The following RERE variants were observed in gnomAD, a reference collection of about 807,000 sequenced individuals.
RERE encodes arginine-glutamic acid dipeptide repeats protein.
A neutral mutation model predicts 146.1 loss-of-function variants in RERE; 40 were observed. The ratio of observed to expected loss-of-function variants is 0.27; its 90% CI spans 0.21 to 0.36. The LOEUF is 0.36. Ranked by LOEUF, RERE falls within the 10% of genes least tolerant of loss-of-function variation. RERE has a pLI of 1.00. For synonymous variants in RERE, 1,003 were observed against 866.0 expected (o/e 1.16, Z -2.78); for missense variants, 1,933 against 2,138.7 (o/e 0.90, Z 1.90).
chr1:8,373,150 GAAGT>G (rs773934600), intron 12 of RERE, among the ~76,000 whole-genome samples: 6 of 152,344 alleles, frequency 3.9e-5, no homozygotes, highest in African/African-American at 9.6e-5. Flanking sequence ...CAGAGTCTTA[GAAGT>G]AAGCATTTAG....
Position 8,356,850 on chromosome 1 carries a change from G to A in RERE, c.4340-604C>T, listed in dbSNP as rs1379813216. The stretch of plus-strand genomic sequence containing the variant: ...TATCTCCCAGCTCCAGCCAACACAG[G>A]CGCTGGCAGGGATTTCAGGGTTGCC... On this transcript the variant is annotated intron_variant, in intron 20 of 22. Coordinates refer to ENST00000400908, the MANE Select transcript of RERE (RefSeq NM_001042681.2). The surrounding 1 kb of genome is among the most constrained non-coding windows in gnomAD (Gnocchi z 5.2). Among the ~76,000 whole-genome samples, 4 of 152,096 alleles carry A rather than the reference G, an allele frequency of 2.6e-5. No homozygotes were observed.
intron 1 of RERE, among the ~76,000 whole-genome samples, chr1:8,755,045 C>T (rs557900835): frequency 5.6e-4 from 85 of 152,348 alleles, no homozygotes; most frequent in African/African-American, 2.0e-3. Context: ...TCAGTACAGT[C>T]GATTTACAGA....
intron 4 of RERE, among the ~76,000 whole-genome samples, chr1:8,561,642 T>C (rs1646080026): frequency 6.6e-6 from 1 of 152,236 alleles, no homozygotes; most frequent in Non-Finnish European, 1.5e-5. Context: ...TCTAATTTTT[T>C]CTCTGTATCT....
In RERE at chr1:8,556,488, C is replaced by G; in HGVS notation, c.712G>C (p.Ala238Pro). The G allele has an allele frequency of 1.3e-6, 2 of 1,598,920 alleles. No individual in the cohort carries two copies. Among genetic ancestry groups the G allele is most frequent in the South Asian group, 2.2e-5 (2 of 90,750 alleles). The change falls in exon 6 of 23, where the codon GCT (alanine) becomes CCT (proline). Residue 238 changes from alanine to proline, a missense_variant. This residue lies in a region of RERE where 37 missense variants were observed against 46.6 expected (regional missense o/e 0.79). Coordinates refer to ENST00000400908, the MANE Select transcript of RERE (RefSeq NM_001042681.2). Reference sequence around the variant, plus strand: ...TCCAGTACTTACCTAAGGGCAGCAGCATGGTAAGTGTCAACGTAATCAGAA... The same window carrying G: ...TCCAGTACTTACCTAAGGGCAGCAGGATGGTAAGTGTCAACGTAATCAGAA... Reference protein sequence around the residue: ...FISDYVDTYHAAALRGKCNIS... With the variant: ...FISDYVDTYHPAALRGKCNIS...
chr1:8,391,920 G>C (rs553612079), intron 12 of RERE, among the ~76,000 whole-genome samples: 4 of 152,126 alleles, frequency 2.6e-5, no homozygotes, highest in African/African-American at 7.2e-5. Context: ...CCAGCTACTC[G>C]GGAGGATGAG....
chr1:8,644,261 T>C (rs1647227487), intron 2 of RERE, among the ~76,000 whole-genome samples: 1 of 152,160 alleles, frequency 6.6e-6, no homozygotes, highest in African/African-American at 2.4e-5. Flanking sequence ...CATACTATAT[T>C]TACTCTTTTG....
In RERE at chr1:8,520,754, T is replaced by TAAAAAAAA. The variant is rs145670197; in HGVS notation, c.831-12087_831-12080dup. Among the ~76,000 whole-genome samples, 149 of 92,968 alleles carry TAAAAAAAA rather than the reference T, an allele frequency of 1.6e-3. 1 individual carries two copies. The East Asian group carries it at 0.028, about 17-fold the overall frequency. The allele number at this position is 92,968 out of a possible 152,430, so 61.0% of individuals were successfully genotyped here. ...ATGGAGATTCAGCCAAAAAACTTTT[T>TAAAAAAAA]AAAAAAAAAAAAAAAAAAAAAACCA... On this transcript the variant is annotated intron_variant, in intron 7 of 22. Transcript: ENST00000400908.
At chr1:8,766,163 C>A (rs959425274) in intron 1 of RERE, among the ~76,000 whole-genome samples, 3 of 152,080 alleles carry the variant, frequency 2.0e-5, no homozygotes, top group Admixed American at 1.3e-4. Flanking sequence ...AGGACTACAG[C>A]AGTGAAGAAC....
intron 12 of RERE, among the ~76,000 whole-genome samples, chr1:8,413,664 G>A (rs187130147): frequency 9.2e-5 from 14 of 152,214 alleles, no homozygotes; most frequent in Non-Finnish European, 1.0e-4. Context: ...TGAAGAGGGT[G>A]GAACAAAACC....
In RERE at chr1:8,656,149, T is replaced by A; in HGVS notation, c.149A>T (p.Tyr50Phe). ...SCTLEGGAKN[Y>F]AESDHSEDED... is the part of the protein sequence containing the mutation. The stretch of plus-strand genomic sequence containing the variant: ...GTCTTCACTGTGATCACTCTCAGCA[T>A]AATTTTTGGCTCCTCCTTCCAAGGT... The change falls in exon 2 of 23, where the codon TAT becomes TTT. Residue 50 changes from tyrosine (Y) to phenylalanine (F), a missense_variant. Coordinates refer to ENST00000400908, the MANE Select transcript of RERE (RefSeq NM_001042681.2). 1 of 1,614,106 alleles carries A rather than the reference T, an allele frequency of 6.2e-7. No homozygotes were observed. Among genetic ancestry groups the A allele is most frequent in the Non-Finnish European group, 8.5e-7 (1 of 1,179,928 alleles).
At chr1:8,490,808 G>T (rs747887564) in intron 10 of RERE, among the ~76,000 whole-genome samples, 13 of 150,508 alleles carry the variant, frequency 8.6e-5, no homozygotes, top group Non-Finnish European at 1.6e-4. Flanking sequence ...AGCAGAAAAT[G>T]ATTATAAGAG....
At chr1:8,441,119 G>C (rs187951204) in intron 11 of RERE, among the ~76,000 whole-genome samples, 95 of 151,936 alleles carry the variant, frequency 6.3e-4, no homozygotes, top group African/African-American at 2.1e-3. Flanking sequence ...TATGCAGCCC[G>C]GTTTCCTGCC....
intron 11 of RERE, among the ~76,000 whole-genome samples, chr1:8,443,582 G>C (rs1305106086): frequency 6.6e-6 from 1 of 151,582 alleles, no homozygotes; most frequent in Non-Finnish European, 1.5e-5. Flanking sequence ...TGATATCCAA[G>C]ACAATGAGGG....
intron 1 of RERE, among the ~76,000 whole-genome samples, chr1:8,661,089 T>A (rs1192537160): frequency 6.7e-6 from 1 of 149,380 alleles, no homozygotes; most frequent in African/African-American, 2.5e-5. Flanking sequence ...GGGGACACAG[T>A]GTTGCAGGAC....
At chr1:8,744,504 C>T (rs1640380258) in intron 1 of RERE, among the ~76,000 whole-genome samples, 3 of 152,158 alleles carry the variant, frequency 2.0e-5, no homozygotes. Context: ...AAAACATACA[C>T]AGCAATGTAA....
At chr1:8,634,876 C>G (rs1344488139) in intron 2 of RERE, among the ~76,000 whole-genome samples, 2 of 152,162 alleles carry the variant, frequency 1.3e-5, no homozygotes, top group African/African-American at 4.8e-5. Flanking sequence ...GCTGGGACTA[C>G]AGGTGCCCAC....
chr1:8,370,430 A>C (rs1274972378), intron 12 of RERE, among the ~76,000 whole-genome samples: 1 of 152,230 alleles, frequency 6.6e-6, no homozygotes, highest in African/African-American at 2.4e-5. Flanking sequence ...AAATGTATAC[A>C]GTGGTCAAAA....
intron 7 of RERE, among the ~76,000 whole-genome samples, chr1:8,540,510 A>T (rs959886365): frequency 1.2e-4 from 19 of 152,220 alleles, no homozygotes; most frequent in Non-Finnish European, 2.8e-4. Flanking sequence ...TCCTGTTTTT[A>T]AAATCCTTAA....
intron 1 of RERE, among the ~76,000 whole-genome samples, chr1:8,811,077 C>T (rs1038976094): frequency 2.0e-5 from 3 of 152,174 alleles, no homozygotes; most frequent in African/African-American, 7.2e-5. Context: ...CAACAATAGC[C>T]GCCAGGCGCA....
Sources: gnomAD v4.1 joint callset for allele counts (sites outside exome capture counted in the v4.1 genomes callset) on GRCh38, gnomAD v4.1.1 for gene constraint, gnomAD v4.1.1 regional missense constraint, Gnocchi (gnomAD v3.1) non-coding constraint, MANE v1.5 for transcripts, NCBI Gene and HGNC (gene_info 2026-07-23, HGNC 2026-07-21) for gene names.